The following LHFPL6 variants were observed in gnomAD, a reference collection of about 807,000 sequenced individuals.
The protein encoded by LHFPL6 is LHFPL tetraspan subfamily member 6.
LHFPL6 carries 9 observed loss-of-function variants against 20.6 expected under a neutral mutation model. That is an observed-to-expected ratio of 0.44 (90% CI 0.26 to 0.76). LHFPL6 has a LOEUF of 0.76. Ranked by LOEUF, LHFPL6 falls within the 30% of genes least tolerant of loss-of-function variation. The probability of loss-of-function intolerance (pLI) is 0.20; values close to 1 mark genes in which losing one functional copy is unlikely to be tolerated. For synonymous variants in LHFPL6, 105 were observed against 98.7 expected, an observed-to-expected ratio of 1.06 and a Z score of -0.38; for missense variants, 218 against 253.5, an observed-to-expected ratio of 0.86 and a Z score of 0.95.
chr13:39,416,235 A>C (rs2138391833), intron 2 of LHFPL6, among the ~76,000 whole-genome samples: 1 of 152,328 alleles, frequency 6.6e-6, no homozygotes, highest in African/African-American at 2.4e-5. Context: ...AAGCCCTAGA[A>C]TATAAACCCA....
At chr13:39,532,687 G>C (rs1191999838) in intron 2 of LHFPL6, among the ~76,000 whole-genome samples, 1 of 152,074 alleles carries the variant, frequency 6.6e-6, no homozygotes, top group Non-Finnish European at 1.5e-5. Flanking sequence ...ATGTTTTCTA[G>C]ACTAGTAAAA....
intron 2 of LHFPL6, among the ~76,000 whole-genome samples, chr13:39,568,011 T>C (rs1871781762): frequency 1.3e-5 from 2 of 152,256 alleles, no homozygotes; most frequent in Non-Finnish European, 2.9e-5. Flanking sequence ...CACTCTTCTC[T>C]ATCTCTTTCC....
intron 2 of LHFPL6, among the ~76,000 whole-genome samples, chr13:39,449,665 T>A (rs897906578): frequency 6.6e-6 from 1 of 152,154 alleles, no homozygotes; most frequent in African/African-American, 2.4e-5. Flanking sequence ...ATATACAGAT[T>A]GAGCCAAATC....
At chr13:39,581,491 C>T (rs1163418435) in intron 2 of LHFPL6, among the ~76,000 whole-genome samples, 2 of 146,976 alleles carry the variant, frequency 1.4e-5, no homozygotes, top group African/African-American at 5.0e-5. Flanking sequence ...GACTTTCTTC[C>T]ACCAGGCGAT....
intron 2 of LHFPL6, among the ~76,000 whole-genome samples, chr13:39,489,210 C>T (rs967281434): frequency 6.6e-6 from 1 of 152,138 alleles, no homozygotes; most frequent in Non-Finnish European, 1.5e-5. Flanking sequence ...GTATGAGAAC[C>T]TAAATACTGA....
chr13:39,435,013 G>A (rs1396007938), intron 2 of LHFPL6, among the ~76,000 whole-genome samples: 1 of 121,414 alleles, frequency 8.2e-6, no homozygotes, highest in Non-Finnish European at 1.6e-5. Context: ...CCGAGATTGC[G>A]CCACTGCAGT....
intron 2 of LHFPL6, among the ~76,000 whole-genome samples, chr13:39,489,105 C>T (rs557248475): frequency 1.3e-5 from 2 of 152,282 alleles, no homozygotes; most frequent in East Asian, 3.9e-4. Flanking sequence ...ATGTTCAGTC[C>T]TGACATGTTC....
intron 2 of LHFPL6, among the ~76,000 whole-genome samples, chr13:39,410,685 A>G (rs909367394): frequency 4.4e-4 from 67 of 152,340 alleles, no homozygotes; most frequent in African/African-American, 1.5e-3. Context: ...TCCTTATTGC[A>G]CAATCCAGGA....
At chr13:39,548,394 A>G (rs1385212335) in intron 2 of LHFPL6, among the ~76,000 whole-genome samples, 2 of 152,084 alleles carry the variant, frequency 1.3e-5, no homozygotes, top group Non-Finnish European at 2.9e-5. Context: ...TGTCTGTAAA[A>G]TGTGGAAAAG....
chr13:39,510,309 A>AT (rs970698955), intron 2 of LHFPL6, among the ~76,000 whole-genome samples: 3 of 152,164 alleles, frequency 2.0e-5, no homozygotes, highest in South Asian at 2.1e-4. Flanking sequence ...AGTTTCCTTT[A>AT]TTTTTTTGTC....
chr13:39,347,594 T>C (rs118022108), intron 3 of LHFPL6, among the ~76,000 whole-genome samples: 2,051 of 151,628 alleles, frequency 0.014, 19 homozygotes, highest in Middle Eastern at 0.058. Context: ...TAGGTCTCAC[T>C]GGCACAATGA....
At chr13:39,436,416 A>G (rs1449370649) in intron 2 of LHFPL6, among the ~76,000 whole-genome samples, 1 of 152,216 alleles carries the variant, frequency 6.6e-6, no homozygotes, top group Non-Finnish European at 1.5e-5. Flanking sequence ...AAACAAATGA[A>G]TAACTGAATT....
chr13:39,361,538 G>A (rs1049290199), intron 3 of LHFPL6, among the ~76,000 whole-genome samples: 3 of 152,042 alleles, frequency 2.0e-5, no homozygotes, highest in South Asian at 2.1e-4. Flanking sequence ...GGATGGTCTC[G>A]ATCTCTTGAC....
At chr13:39,380,285 G>A (rs1424863984) in intron 2 of LHFPL6, among the ~76,000 whole-genome samples, 1 of 152,106 alleles carries the variant, frequency 6.6e-6, no homozygotes, top group East Asian at 1.9e-4. Flanking sequence ...AAAGGCATCT[G>A]GACAAGAAGT....
chr13:39,343,529 C>T lies in LHFPL6; in HGVS notation c.*407G>A, dbSNP rs966240056. The T allele has an allele frequency of 1.3e-5, 3 of 232,568 alleles. No homozygotes were observed. Among genetic ancestry groups the T allele is most frequent in the Non-Finnish European group, 2.5e-5 (3 of 118,178 alleles). The allele number at this position is 232,568 out of a possible 1,614,324, so 14.4% of individuals were successfully genotyped here. A position where few individuals can be genotyped will look rare whatever the true frequency, so the allele number is the denominator to read the frequency against. On this transcript the variant is annotated 3_prime_UTR_variant, in exon 4 of 4. Transcript: ENST00000379589. ...CCAACATAACACTGTTTCTACTAGCCCTTTGATTTTCTGAGTCCTCACCTT... is the reference window on the plus strand; with the variant it reads ...CCAACATAACACTGTTTCTACTAGCTCTTTGATTTTCTGAGTCCTCACCTT...
chr13:39,465,813 GGCAGC>G (rs1872789635), intron 2 of LHFPL6, among the ~76,000 whole-genome samples: 1 of 152,088 alleles, frequency 6.6e-6, no homozygotes, highest in Non-Finnish European at 1.5e-5. Context: ...AACGAAAGGA[GGCAGC>G]TGCATGGTGA....
intron 2 of LHFPL6, among the ~76,000 whole-genome samples, chr13:39,456,139 T>G (rs942470809): frequency 2.0e-5 from 3 of 152,228 alleles, no homozygotes; most frequent in Non-Finnish European, 4.4e-5. Flanking sequence ...TCTAGACAAG[T>G]GTCAGTTTCT....
chr13:39,490,936 C>G (rs1158896729), intron 2 of LHFPL6, among the ~76,000 whole-genome samples: 1 of 152,142 alleles, frequency 6.6e-6, no homozygotes, highest in Non-Finnish European at 1.5e-5. Flanking sequence ...AAAACATTAG[C>G]TCTCTGCAAC....
intron 2 of LHFPL6, among the ~76,000 whole-genome samples, chr13:39,422,458 T>C (rs1871517776): frequency 6.6e-6 from 1 of 151,838 alleles, no homozygotes; most frequent in African/African-American, 2.4e-5. Flanking sequence ...TGGTGGCACA[T>C]GCCTGTAATC....
Sources: gnomAD v4.1 joint callset for allele counts (sites outside exome capture counted in the v4.1 genomes callset) on GRCh38, gnomAD v4.1.1 for gene constraint, MANE v1.5 for transcripts, NCBI Gene and HGNC (gene_info 2026-07-23, HGNC 2026-07-21) for gene names.